Variants in SUGCT observed in about 807,000 individuals in gnomAD.
SUGCT encodes the protein succinyl-CoA:glutarate CoA-transferase.
A neutral mutation model predicts 55.0 loss-of-function variants in SUGCT; 41 were observed. That is an observed-to-expected ratio of 0.74 (90% confidence interval 0.58 to 0.97). The LOEUF is 0.97. Ranked by LOEUF, SUGCT falls within the 50% of genes least tolerant of loss-of-function variation. SUGCT has a pLI of 0.00. For synonymous variants in SUGCT, 187 were observed against 200.4 expected (o/e 0.93, Z 0.56); for missense variants, 568 against 547.8 (o/e 1.04, Z -0.37).
At chr7:40,777,627 C>T (rs1007199479) in intron 13 of SUGCT, among the ~76,000 whole-genome samples, 5 of 152,112 alleles carry the variant, frequency 3.3e-5, no homozygotes, top group Admixed American at 3.3e-4. Flanking sequence ...GGAGTCCTGG[C>T]ATTGCTGTGG....
At chr7:40,573,592 C>T (rs1338372434) in intron 12 of SUGCT, among the ~76,000 whole-genome samples, 1 of 152,170 alleles carries the variant, frequency 6.6e-6, no homozygotes, top group Non-Finnish European at 1.5e-5. Flanking sequence ...GGTTTCAAAA[C>T]AGTGATTTTT....
chr7:40,180,867 C>G, intron 1 of SUGCT, 80 bp from the exon 2 acceptor site: 1 of 1,082,486 alleles, frequency 9.2e-7, no homozygotes, highest in South Asian at 1.3e-5. Flanking sequence ...TGTGATCTGT[C>G]TCAAGCTTAT....
intron 8 of SUGCT, among the ~76,000 whole-genome samples, chr7:40,285,493 G>T (rs1379214513): frequency 1.4e-4 from 7 of 51,542 alleles, no homozygotes; most frequent in Admixed American, 4.0e-4. Context: ...TTCTTTTTTC[G>T]GGGGGGGGCA....
the SUGCT span, among the ~76,000 whole-genome samples, chr7:40,899,182 A>C: frequency 6.6e-6 from 1 of 152,288 alleles, no homozygotes; most frequent in South Asian, 2.1e-4. Context: ...TGCTGTGCAC[A>C]GCTCTTGACC....
intron 9 of SUGCT, among the ~76,000 whole-genome samples, chr7:40,398,391 C>G (rs888425692): frequency 6.6e-6 from 1 of 152,062 alleles, no homozygotes; most frequent in African/African-American, 2.4e-5. Flanking sequence ...CATGCCTGGC[C>G]CCACATTCTC....
intron 10 of SUGCT, 147 bp downstream of exon 10, chr7:40,449,505 C>A: frequency 1.6e-6 from 1 of 617,788 alleles, no homozygotes; most frequent in Non-Finnish European, 2.9e-6. Flanking sequence ...AGGCAGAGTC[C>A]AAATTAGCAT....
At chr7:40,650,351 C>A (rs2151838153) in intron 12 of SUGCT, among the ~76,000 whole-genome samples, 1 of 152,242 alleles carries the variant, frequency 6.6e-6, no homozygotes, top group African/African-American at 2.4e-5. Context: ...GTAGTGTGTA[C>A]CAGGACATGC....
intron 12 of SUGCT, among the ~76,000 whole-genome samples, chr7:40,694,148 T>G (rs766753427): frequency 6.6e-6 from 1 of 152,226 alleles, no homozygotes; most frequent in African/African-American, 2.4e-5. Flanking sequence ...GGCTTCTATT[T>G]TCGTTTTCCG....
At chr7:40,460,218 C>A (rs1455403432) in intron 11 of SUGCT, among the ~76,000 whole-genome samples, 3 of 152,128 alleles carry the variant, frequency 2.0e-5, no homozygotes, top group Non-Finnish European at 4.4e-5. Context: ...ACTTTTGTAA[C>A]TTTAAACATT....
intron 1 of SUGCT, among the ~76,000 whole-genome samples, chr7:40,171,380 A>G (rs531633101): frequency 6.6e-6 from 1 of 152,312 alleles, no homozygotes; most frequent in East Asian, 1.9e-4. Context: ...CAATTACTGC[A>G]TACCCATTGT....
intron 6 of SUGCT, among the ~76,000 whole-genome samples, chr7:40,226,573 A>G (rs1209345767): frequency 6.6e-6 from 1 of 152,062 alleles, no homozygotes; most frequent in Non-Finnish European, 1.5e-5. Flanking sequence ...AATCTTCAGA[A>G]TAGAAAACTA....
chr7:40,396,610 A>T (rs1785747160), intron 9 of SUGCT, among the ~76,000 whole-genome samples: 1 of 152,226 alleles, frequency 6.6e-6, no homozygotes, highest in Admixed American at 6.5e-5. Context: ...GGACTGCAGC[A>T]AGAGTAAAAT....
At chr7:40,987,944 C>G in the SUGCT span, among the ~76,000 whole-genome samples, 1 of 151,960 alleles carries the variant, frequency 6.6e-6, no homozygotes, top group Non-Finnish European at 1.5e-5. Context: ...GAAACTTGTT[C>G]TCTTTCTCTC....
chr7:40,966,868 T>G, the SUGCT span: 8 of 152,200 alleles, frequency 5.3e-5, no homozygotes. Flanking sequence ...TTGAAAGAGC[T>G]GAAAGAAACA....
intron 8 of SUGCT, among the ~76,000 whole-genome samples, chr7:40,315,454 A>G (rs182750385): frequency 6.6e-6 from 1 of 152,232 alleles, no homozygotes; most frequent in African/African-American, 2.4e-5. Context: ...AAAGTTTATT[A>G]GTTTTGCCAC....
At chr7:40,968,836 A>G in the SUGCT span, among the ~76,000 whole-genome samples, 1 of 151,926 alleles carries the variant, frequency 6.6e-6, no homozygotes, top group East Asian at 1.9e-4. Context: ...ACATGGGCCA[A>G]CTCTTCCTCC....
the SUGCT span, among the ~76,000 whole-genome samples, chr7:40,937,962 A>T: frequency 6.6e-6 from 1 of 152,112 alleles, no homozygotes. Flanking sequence ...GGAGCACACA[A>T]CCTAGATCCC....
intron 7 of SUGCT, among the ~76,000 whole-genome samples, chr7:40,264,457 G>T (rs1791426800): frequency 6.6e-6 from 1 of 152,110 alleles, no homozygotes; most frequent in Non-Finnish European, 1.5e-5. Flanking sequence ...TGTGTGTTTG[G>T]AACAGAAGGT....
At chr7:40,762,812 CTT>C (rs781414612) in intron 13 of SUGCT, among the ~76,000 whole-genome samples, 10 of 145,032 alleles carry the variant, frequency 6.9e-5, no homozygotes, top group Admixed American at 2.8e-4. Flanking sequence ...AAACAACTCT[CTT>C]TTTTTTTTTT....
Sources: allele counts gnomAD v4.1 joint callset (sites outside exome capture counted in the v4.1 genomes callset), GRCh38; gene constraint gnomAD v4.1.1; transcripts MANE v1.5; gene names NCBI Gene and HGNC (gene_info 2026-07-23, HGNC 2026-07-21).